Variants in RAB38 observed in about 807,000 individuals in gnomAD.
RAB38 encodes the protein RAB38, member RAS oncogene family, also known as ras-related protein Rab-38.
RAB38 carries 15 observed loss-of-function variants against 18.4 expected under a neutral mutation model. That is an observed-to-expected ratio of 0.82 (90% CI 0.55 to 1.26). RAB38 has a LOEUF of 1.26. Ranked by LOEUF, RAB38 falls within the 50% of genes most tolerant of loss-of-function variation. The pLI is 0.00. For synonymous variants in RAB38, 101 were observed against 104.4 expected, an observed-to-expected ratio of 0.97 and a Z score of 0.20; for missense variants, 294 against 267.4, an observed-to-expected ratio of 1.10 and a Z score of -0.69.
At chr11:88,045,312 G>A in the RAB38 span, among the ~76,000 whole-genome samples, 12 of 152,206 alleles carry the variant, frequency 7.9e-5, no homozygotes, top group African/African-American at 2.9e-4. Context: ...TTAGGGTAGA[G>A]GCAGCCAAGT....
the RAB38 span, among the ~76,000 whole-genome samples, chr11:88,096,050 C>T: frequency 1.3e-5 from 2 of 151,790 alleles, no homozygotes; most frequent in South Asian, 2.1e-4. Flanking sequence ...CTTTACACAA[C>T]ATCCAACAGT....
intron 1 of RAB38, among the ~76,000 whole-genome samples, chr11:88,173,141 G>A (rs1296677487): frequency 6.6e-6 from 1 of 152,182 alleles, no homozygotes; most frequent in Non-Finnish European, 1.5e-5. Context: ...TGAAAATGGT[G>A]ATAACTTGGG....
At chr11:88,020,016 A>G in the RAB38 span, among the ~76,000 whole-genome samples, 8 of 152,180 alleles carry the variant, frequency 5.3e-5, no homozygotes, top group Non-Finnish European at 1.0e-4. Flanking sequence ...TTTAATGAGT[A>G]TATATGAAAT....
At chr11:88,005,433 AAAAT>A in the RAB38 span, among the ~76,000 whole-genome samples, 1 of 151,446 alleles carries the variant, frequency 6.6e-6, no homozygotes, top group Admixed American at 6.6e-5. Context: ...ACCCATTTTA[AAAAT>A]AAATGAGCAA....
At chr11:87,829,196 T>C in the RAB38 span, among the ~76,000 whole-genome samples, 2 of 152,164 alleles carry the variant, frequency 1.3e-5, no homozygotes, top group Admixed American at 1.3e-4. Context: ...ACTACACACA[T>C]AGAAAATTTA....
the RAB38 span, among the ~76,000 whole-genome samples, chr11:87,854,350 C>T: frequency 1.3e-5 from 2 of 152,084 alleles, no homozygotes; most frequent in Admixed American, 1.3e-4. Flanking sequence ...ATTGTGCACA[C>T]AAAGAATGAA....
chr11:87,866,174 C>T, the RAB38 span, among the ~76,000 whole-genome samples: 4 of 151,634 alleles, frequency 2.6e-5, no homozygotes, highest in Admixed American at 6.6e-5. Context: ...GAGTGTGGGG[C>T]ATAGGGGATC....
At chr11:87,922,101 C>T in the RAB38 span, among the ~76,000 whole-genome samples, 20 of 152,064 alleles carry the variant, frequency 1.3e-4, no homozygotes, top group Admixed American at 3.3e-4. Context: ...TTCATGACAG[C>T]GTCTAACTTA....
the RAB38 span, among the ~76,000 whole-genome samples, chr11:87,971,692 G>C: frequency 6.6e-6 from 1 of 152,108 alleles, no homozygotes; most frequent in Non-Finnish European, 1.5e-5. Flanking sequence ...GCATAACCAG[G>C]TTCTAATATA....
chr11:88,051,686 T>C, the RAB38 span, among the ~76,000 whole-genome samples: 9 of 152,214 alleles, frequency 5.9e-5, no homozygotes, highest in Non-Finnish European at 1.3e-4. Context: ...GTTGAAATTA[T>C]CTGACAAAGT....
chr11:87,841,709 C>A, the RAB38 span, among the ~76,000 whole-genome samples: 1 of 152,114 alleles, frequency 6.6e-6, no homozygotes, highest in Non-Finnish European at 1.5e-5. Context: ...ACAACCTGAT[C>A]TGGACGTGAA....
At chr11:87,804,241 C>T in the RAB38 span, among the ~76,000 whole-genome samples, 1 of 152,166 alleles carries the variant, frequency 6.6e-6, no homozygotes, top group African/African-American at 2.4e-5. Flanking sequence ...CTTTCTACCT[C>T]TCTCCAATGA....
rs553882506 is a variant in RAB38 at position 88,148,813 on chromosome 11, T to C, written c.483+862A>G. ...TATAAAACCATGTGAAATGCAATCC[T>C]AACAGTGTAATTATATGCACACACA... On this transcript the variant is annotated intron_variant, in intron 2 of 2. Coordinates refer to ENST00000243662, the MANE Select transcript of RAB38 (RefSeq NM_022337.3). Among the ~76,000 whole-genome samples, 5 of 152,340 alleles carry C rather than the reference T, an allele frequency of 3.3e-5. No individual in the cohort carries two copies. The South Asian group carries it at 1.0e-3, about 32-fold the overall frequency.
the RAB38 span, among the ~76,000 whole-genome samples, chr11:87,934,803 A>G: frequency 6.6e-6 from 1 of 152,264 alleles, no homozygotes; most frequent in East Asian, 1.9e-4. Flanking sequence ...TTTAAAATAC[A>G]TTAGGGAATA....
At position 88,162,859 on chromosome 11, in the gene RAB38, T is replaced by G. The variant is rs139766297; in HGVS notation, c.202+12324A>C. On this transcript the variant is annotated intron_variant, in intron 1 of 2. Coordinates refer to ENST00000243662, the MANE Select transcript of RAB38 (RefSeq NM_022337.3). The stretch of plus-strand genomic sequence containing the variant: ...TGCCTTGCTAGGCTCTGCTAAGTTC[T>G]GCTTCTTGCTTCCATTTACTCCCAT... Among the ~76,000 whole-genome samples the G allele has an allele frequency of 2.8e-4, 42 of 152,254 alleles. No individual in the cohort carries two copies. In the East Asian group the frequency reaches 7.7e-3, roughly 28 times the overall value.
At chr11:88,138,613 G>A (rs1344769416) in intron 2 of RAB38, among the ~76,000 whole-genome samples, 2 of 151,908 alleles carry the variant, frequency 1.3e-5, no homozygotes, top group Non-Finnish European at 2.9e-5. Flanking sequence ...TAGGATAATG[G>A]GTAAATTGTT....
chr11:88,155,053 T>C (rs768861360), intron 1 of RAB38, among the ~76,000 whole-genome samples: 4 of 152,204 alleles, frequency 2.6e-5, no homozygotes, highest in Non-Finnish European at 5.9e-5. Context: ...CGGCTACTCT[T>C]CCCATGCAGT....
chr11:87,912,778 T>TTTC, the RAB38 span, among the ~76,000 whole-genome samples: 1 of 148,174 alleles, frequency 6.7e-6, no homozygotes, highest in Non-Finnish European at 1.5e-5. Flanking sequence ...TTTTTTTTTT[T>TTTC]TTTAGTTCCT....
At chr11:87,829,204 T>G in the RAB38 span, among the ~76,000 whole-genome samples, 2 of 152,164 alleles carry the variant, frequency 1.3e-5, no homozygotes, top group Admixed American at 1.3e-4. Flanking sequence ...CATAGAAAAT[T>G]TAGGGAAGAT....
Sources: allele counts gnomAD v4.1 joint callset (sites outside exome capture counted in the v4.1 genomes callset), GRCh38; gene constraint gnomAD v4.1.1; transcripts MANE v1.5; gene names NCBI Gene and HGNC (gene_info 2026-07-23, HGNC 2026-07-21).